The following ATP6V0D2 variants were observed in gnomAD, a reference collection of about 807,000 sequenced individuals.
The protein encoded by ATP6V0D2 is V-type proton ATPase subunit d 2.
Under a neutral mutation model 40.0 loss-of-function variants are expected in ATP6V0D2, and 40 were observed. That is an observed-to-expected ratio of 1.00 (90% CI 0.78 to 1.30). The LOEUF is 1.30. ATP6V0D2 is among the 50% of genes most tolerant of loss of function. The pLI is 0.00. For synonymous variants in ATP6V0D2, 179 were observed against 156.3 expected, an observed-to-expected ratio of 1.15 and a Z score of -1.08; for missense variants, 470 against 423.1, an observed-to-expected ratio of 1.11 and a Z score of -0.97.
At chr8:86,127,757 T>C (rs1222760873) in intron 2 of ATP6V0D2, among the ~76,000 whole-genome samples, 1 of 152,162 alleles carries the variant, frequency 6.6e-6, no homozygotes, top group Non-Finnish European at 1.5e-5. Flanking sequence ...TCCTTGTACA[T>C]TCTGTATGTA....
At chr8:86,102,423 G>T (rs998424963) in intron 1 of ATP6V0D2, among the ~76,000 whole-genome samples, 1 of 152,154 alleles carries the variant, frequency 6.6e-6, no homozygotes, top group Non-Finnish European at 1.5e-5. Flanking sequence ...TAAACAACAG[G>T]TTACACTGTG....
chr8:86,105,627 T>C (rs1274218367), intron 1 of ATP6V0D2, among the ~76,000 whole-genome samples: 1 of 146,102 alleles, frequency 6.8e-6, no homozygotes, highest in Non-Finnish European at 1.5e-5. Flanking sequence ...TTTTCTTTTT[T>C]TTTTTTTTTG....
In ATP6V0D2 at chr8:86,099,606, G is replaced by A. The variant is rs184128524; in HGVS notation, c.130+498G>A. On this transcript the variant is annotated intron_variant, in intron 1 of 7. Coordinates refer to ENST00000285393, the MANE Select transcript of ATP6V0D2 (RefSeq NM_152565.1). Reference sequence around the variant, plus strand: ...CCTCCCGGGTTCAAGCAATTCTCCTGCCTCAGCCTCCCGAGTAACTGAGAT... The same window carrying A: ...CCTCCCGGGTTCAAGCAATTCTCCTACCTCAGCCTCCCGAGTAACTGAGAT... 2.3e-4 allele frequency among the ~76,000 whole-genome samples: 35 copies of A among 152,238 alleles called. No homozygotes were observed. In the East Asian group the frequency reaches 4.6e-3, roughly 20 times the overall value.
In ATP6V0D2 at chr8:86,143,019, C is replaced by T. The variant is rs1586102182; in HGVS notation, c.639+65C>T. ...TGCTTACATATTTTTATTGTTTTAA[C>T]CTTACTTATATTTCCTTATCTTTGA... On this transcript the variant is annotated intron_variant, in intron 5 of 7. Transcript: ENST00000285393. 1.8e-5 allele frequency: 21 copies of T among 1,170,936 alleles called. No individual in the cohort carries two copies. The East Asian group carries it at 5.1e-4, about 28-fold the overall frequency. 72.5% of individuals were successfully genotyped at this position (1,170,936 alleles called of 1,614,324 possible).
At chr8:86,114,162 G>A (rs1818565062) in intron 2 of ATP6V0D2, among the ~76,000 whole-genome samples, 1 of 151,932 alleles carries the variant, frequency 6.6e-6, no homozygotes, top group South Asian at 2.1e-4. Context: ...TGTTGCCAGT[G>A]TTTAAGGTGT....
chr8:86,134,651 TC>T (rs1452997260), intron 2 of ATP6V0D2, among the ~76,000 whole-genome samples: 2 of 152,214 alleles, frequency 1.3e-5, no homozygotes, highest in Non-Finnish European at 2.9e-5. Flanking sequence ...ACTATGCCAC[TC>T]AGCAACTGCA....
chr8:86,119,424 T>G lies in ATP6V0D2; in HGVS notation c.302+5544T>G, dbSNP rs181626678. Reference sequence around the variant, plus strand: ...TTGTGTTTTTAGTAGAGATGAGGTTTCGCCATGTTAGCCTGGCTGGTCTCA... The same window carrying G: ...TTGTGTTTTTAGTAGAGATGAGGTTGCGCCATGTTAGCCTGGCTGGTCTCA... On this transcript the variant is annotated intron_variant, in intron 2 of 7. Transcript: ENST00000285393. Among the ~76,000 whole-genome samples, 289 of 152,192 alleles carry G rather than the reference T, an allele frequency of 1.9e-3. 1 individual carries two copies. The highest frequency in any genetic ancestry group is 6.4e-3 in the African/African-American group (267 of 41,528).
At chr8:86,118,305 C>A (rs1818624316) in intron 2 of ATP6V0D2, among the ~76,000 whole-genome samples, 1 of 150,732 alleles carries the variant, frequency 6.6e-6, no homozygotes, top group African/African-American at 2.4e-5. Flanking sequence ...AACTCCTGAC[C>A]TCAAGTGATC....
Position 86,144,042 on chromosome 8 carries a change from T to C in ATP6V0D2, c.639+1088T>C, listed in dbSNP as rs575771954. ...GCAGGAAGACTCATTTGTTATGTGA[T>C]TCACAGTTGGTAAGCTCATTTAATT... On this transcript the variant is annotated intron_variant, in intron 5 of 7. Coordinates refer to ENST00000285393, the MANE Select transcript of ATP6V0D2 (RefSeq NM_152565.1). Among the ~76,000 whole-genome samples the C allele has an allele frequency of 5.9e-5, 9 of 152,310 alleles. No individual in the cohort carries two copies. The South Asian group carries it at 1.9e-3, about 32-fold the overall frequency.
At chr8:86,145,000 C>CAAAA (rs777644427) in intron 5 of ATP6V0D2, among the ~76,000 whole-genome samples, 1 of 137,650 alleles carries the variant, frequency 7.3e-6, no homozygotes, top group Non-Finnish European at 1.5e-5. Flanking sequence ...ACTAACAATA[C>CAAAA]AAAAAAAAAA....
chr8:86,138,439 C>T (rs890184429), intron 2 of ATP6V0D2, among the ~76,000 whole-genome samples: 3 of 152,058 alleles, frequency 2.0e-5, no homozygotes, highest in Non-Finnish European at 4.4e-5. Flanking sequence ...AAAGGAAGGC[C>T]CTAGGTCTCA....
chr8:86,099,640 C>T (rs944552518), intron 1 of ATP6V0D2, among the ~76,000 whole-genome samples: 1 of 152,110 alleles, frequency 6.6e-6, no homozygotes, highest in Non-Finnish European at 1.5e-5. Flanking sequence ...ATTACAGGTG[C>T]CCACCACCTG....
chr8:86,147,603 A>T (rs920123630), intron 5 of ATP6V0D2, among the ~76,000 whole-genome samples: 2 of 152,196 alleles, frequency 1.3e-5, no homozygotes, highest in African/African-American at 2.4e-5. Flanking sequence ...TTTTCACCAT[A>T]GGATAATACA....
chr8:86,151,421 A>G (rs1313107572), intron 6 of ATP6V0D2, 45 bp from the exon 7 acceptor site: 37 of 1,279,116 alleles, frequency 2.9e-5, no homozygotes, highest in Non-Finnish European at 4.0e-5. Context: ...ATATACATTT[A>G]TAAGAAATGA....
intron 1 of ATP6V0D2, among the ~76,000 whole-genome samples, chr8:86,101,071 T>TGGG (rs1435796146): frequency 6.7e-5 from 10 of 148,654 alleles, no homozygotes; most frequent in African/African-American, 1.2e-4. Context: ...TTCTTGAACC[T>TGGG]GGGAGGCAGA....
At chr8:86,134,713 A>G (rs965045346) in intron 2 of ATP6V0D2, among the ~76,000 whole-genome samples, 5 of 152,246 alleles carry the variant, frequency 3.3e-5, no homozygotes, top group African/African-American at 1.2e-4. Context: ...TATAAAAATC[A>G]GCACACAGAT....
At chr8:86,117,062 A>G (rs1029426464) in intron 2 of ATP6V0D2, among the ~76,000 whole-genome samples, 8 of 152,206 alleles carry the variant, frequency 5.3e-5, no homozygotes, top group Admixed American at 4.6e-4. Flanking sequence ...TTAATGACAT[A>G]TAACAGCTAT....
intron 3 of ATP6V0D2, 74 bp from the exon 4 acceptor site, chr8:86,141,376 G>A: frequency 8.9e-7 from 1 of 1,123,046 alleles, no homozygotes. Flanking sequence ...AGGGTGGTGT[G>A]TTCAGGATAC....
Position 86,139,596 on chromosome 8 carries a change from T to C in ATP6V0D2, c.442T>C (p.Ser148Pro). The change falls in exon 3 of 8, where the codon TCA (serine) becomes CCA (proline). Residue 148 changes from serine to proline, a missense_variant. By Grantham distance (74) the Ser-to-Pro change is moderately conservative. Transcript: ENST00000285393. ...AGCTGTCAACATTGCAGAGACACCT[T>C]CAGATCTCTTTAATGCCATTCTGAT... is the stretch of plus-strand genomic sequence containing the variant. The part of the protein sequence containing the change: ...MEAVNIAETP[S>P]DLFNAILIET... The C allele has an allele frequency of 6.2e-7, 1 of 1,612,818 alleles. No individual in the cohort carries two copies. The highest frequency in any genetic ancestry group is 1.1e-5 in the South Asian group (1 of 90,828).
Sources: allele counts gnomAD v4.1 joint callset (sites outside exome capture counted in the v4.1 genomes callset), GRCh38; gene constraint gnomAD v4.1.1; transcripts MANE v1.5; gene names NCBI Gene and HGNC (gene_info 2026-07-23, HGNC 2026-07-21).